Variants in SHQ1 observed in about 807,000 individuals in gnomAD.
The protein encoded by SHQ1 is protein SHQ1 homolog.
Under a neutral mutation model 53.8 loss-of-function variants are expected in SHQ1, and 49 were observed. That is an observed-to-expected ratio of 0.91 (90% CI 0.72 to 1.16). The LOEUF (loss-of-function observed/expected upper bound fraction) is 1.16, where lower values mean the gene tolerates loss of function less well. Among genes scored for constraint, SHQ1 ranks in the 50% most tolerant of loss-of-function variants. SHQ1 has a pLI of 0.00. For synonymous variants in SHQ1, 243 were observed against 251.0 expected, an observed-to-expected ratio of 0.97 and a Z score of 0.30; for missense variants, 738 against 683.1, an observed-to-expected ratio of 1.08 and a Z score of -0.90.
chr3:72,848,398 C>T lies in SHQ1; in HGVS notation c.-58G>A. The T allele has an allele frequency of 6.2e-7, 1 of 1,602,362 alleles. No homozygotes were observed. The highest frequency in any genetic ancestry group is 8.5e-7 in the Non-Finnish European group (1 of 1,174,114). On this transcript the variant is annotated 5_prime_UTR_variant, in exon 1 of 11. Coordinates refer to ENST00000325599, the MANE Select transcript of SHQ1 (RefSeq NM_018130.3). ...GCTCTCACTGCCGCCGCGTTCCCGC[C>T]ACGCAAACTCTCCAACTCCCCACGC... is the stretch of plus-strand genomic sequence containing the variant.
intron 3 of SHQ1, among the ~76,000 whole-genome samples, chr3:72,841,520 G>A (rs192856825): frequency 5.8e-4 from 88 of 152,242 alleles, no homozygotes; most frequent in African/African-American, 2.0e-3. Flanking sequence ...CATATGCAAC[G>A]TAAAAACAGG....
the SHQ1 span, among the ~76,000 whole-genome samples, chr3:72,733,920 G>C: frequency 6.6e-6 from 1 of 151,486 alleles, no homozygotes; most frequent in Non-Finnish European, 1.5e-5. Flanking sequence ...TTGTAGTCAG[G>C]ACTAGATATC....
the SHQ1 span, among the ~76,000 whole-genome samples, chr3:72,729,894 T>G: frequency 6.6e-6 from 1 of 152,238 alleles, no homozygotes; most frequent in Non-Finnish European, 1.5e-5. Flanking sequence ...CTCGTCTCAC[T>G]GCAGGCTCTG....
At chr3:72,831,320 A>G (rs1326194304) in intron 5 of SHQ1, among the ~76,000 whole-genome samples, 2 of 152,234 alleles carry the variant, frequency 1.3e-5, no homozygotes, top group Admixed American at 6.5e-5. Context: ...CACAGGAGAT[A>G]GAATGTTAAT....
At chr3:72,801,904 T>A (rs958830143) in intron 9 of SHQ1, among the ~76,000 whole-genome samples, 2 of 152,184 alleles carry the variant, frequency 1.3e-5, no homozygotes, top group African/African-American at 4.8e-5. Context: ...ACATAAATAA[T>A]CTTATGCAGT....
At chr3:72,765,116 T>C (rs1216662541) in intron 10 of SHQ1, among the ~76,000 whole-genome samples, 4 of 152,208 alleles carry the variant, frequency 2.6e-5, no homozygotes, top group African/African-American at 9.6e-5. Flanking sequence ...TTAGCCCCCC[T>C]TCTAGGTCAG....
chr3:72,767,991 T>A (rs1443142904), intron 10 of SHQ1, among the ~76,000 whole-genome samples: 1 of 152,104 alleles, frequency 6.6e-6, no homozygotes, highest in Admixed American at 6.6e-5. Flanking sequence ...CTGGGTGGTT[T>A]TTTTTCTTGC....
At chr3:72,840,178 G>C (rs189743948) in intron 4 of SHQ1, among the ~76,000 whole-genome samples, 2 of 136,616 alleles carry the variant, frequency 1.5e-5, no homozygotes, top group East Asian at 4.6e-4. Flanking sequence ...CTTGGACCCG[G>C]GAGGCAGAGG....
chr3:72,838,170 T>C (rs1441686123), intron 4 of SHQ1, among the ~76,000 whole-genome samples: 1 of 152,266 alleles, frequency 6.6e-6, no homozygotes, highest in East Asian at 1.9e-4. Context: ...GTACACTAAG[T>C]GGGATTTAAA....
chr3:72,749,172 T>C (rs1705314244), downstream of SHQ1: 1 of 187,106 alleles, frequency 5.3e-6, no homozygotes, highest in Non-Finnish European at 1.1e-5. Context: ...TGGAGAACAG[T>C]TCAGCATTTT....
intron 10 of SHQ1, among the ~76,000 whole-genome samples, chr3:72,785,416 A>C (rs1489083032): frequency 6.6e-6 from 1 of 152,208 alleles, no homozygotes; most frequent in African/African-American, 2.4e-5. Context: ...CAAGAGGTTC[A>C]CTTGAGCTCT....
chr3:72,836,907 C>G (rs1464741015), intron 4 of SHQ1, among the ~76,000 whole-genome samples: 1 of 152,164 alleles, frequency 6.6e-6, no homozygotes, highest in African/African-American at 2.4e-5. Context: ...AGTTTAGGCA[C>G]AGGTTAGGCA....
chr3:72,841,498 C>T (rs1708178307), intron 3 of SHQ1, among the ~76,000 whole-genome samples: 1 of 152,124 alleles, frequency 6.6e-6, no homozygotes, highest in African/African-American at 2.4e-5. Context: ...AGAACACATA[C>T]TGTATGATCT....
chr3:72,805,334 C>T (rs1224302871), intron 9 of SHQ1, among the ~76,000 whole-genome samples: 1 of 152,176 alleles, frequency 6.6e-6, no homozygotes, highest in Non-Finnish European at 1.5e-5. Flanking sequence ...CAATTCACTT[C>T]ATCAAGGCCT....
intron 3 of SHQ1, 101 bp from the exon 4 acceptor site, chr3:72,841,300 A>T: frequency 1.2e-6 from 1 of 851,512 alleles, no homozygotes; most frequent in South Asian, 1.9e-5. Context: ...GTACCAAAAG[A>T]CATATACCAA....
At chr3:72,841,379 G>A (rs1708175811) in intron 3 of SHQ1, among the ~76,000 whole-genome samples, 180 bp from the exon 4 acceptor site, 1 of 151,310 alleles carries the variant, frequency 6.6e-6, no homozygotes, top group South Asian at 2.1e-4. Flanking sequence ...CCAAAAATGT[G>A]GTATGTTCAT....
chr3:72,813,579 C>T (rs1046571356), intron 8 of SHQ1, among the ~76,000 whole-genome samples: 7 of 151,230 alleles, frequency 4.6e-5, no homozygotes, highest in Non-Finnish European at 8.8e-5. Context: ...CTGGCTAACA[C>T]GATGAAACCC....
the SHQ1 span, among the ~76,000 whole-genome samples, chr3:72,734,883 C>G: frequency 6.6e-6 from 1 of 151,544 alleles, no homozygotes; most frequent in South Asian, 2.1e-4. Flanking sequence ...ACAGATGTAC[C>G]TGATCCCCTC....
chr3:72,800,844 G>T (rs904184649), intron 9 of SHQ1, among the ~76,000 whole-genome samples: 1 of 152,162 alleles, frequency 6.6e-6, no homozygotes, highest in Non-Finnish European at 1.5e-5. Context: ...GACAAGAAAA[G>T]AATGTAGCTG....
Sources: gnomAD v4.1 joint callset for allele counts (sites outside exome capture counted in the v4.1 genomes callset) on GRCh38, gnomAD v4.1.1 for gene constraint, MANE v1.5 for transcripts, NCBI Gene and HGNC (gene_info 2026-07-23, HGNC 2026-07-21) for gene names.